Variants in ATRNL1 observed in about 807,000 individuals in gnomAD.
ATRNL1 encodes the protein attractin like 1, also known as attractin-like protein 1.
Under a neutral mutation model 182.7 loss-of-function variants are expected in ATRNL1, and 95 were observed. That is an observed-to-expected ratio of 0.52 (90% CI 0.44 to 0.62). ATRNL1 has a LOEUF of 0.62. Among genes scored for constraint, ATRNL1 ranks in the 20% least tolerant of loss-of-function variants. ATRNL1 has a pLI of 0.00. For missense variants in ATRNL1, 1,471 were observed against 1,679.5 expected (o/e 0.88, Z 2.17); for synonymous variants, 576 against 568.3 (o/e 1.01, Z -0.19).
chr10:115,728,667 T>G (rs576359464), intron 27 of ATRNL1, among the ~76,000 whole-genome samples: 8 of 152,314 alleles, frequency 5.3e-5, no homozygotes, highest in African/African-American at 1.9e-4. Context: ...TCATGGATGC[T>G]ACTCAAAGGG....
intron 4 of ATRNL1, among the ~76,000 whole-genome samples, chr10:115,129,033 A>T (rs1845106747): frequency 6.6e-6 from 1 of 152,140 alleles, no homozygotes; most frequent in Admixed American, 6.5e-5. Flanking sequence ...TTTACAAAAC[A>T]TTTTGCCTGG....
chr10:115,254,554 A>G (rs1197402545), intron 10 of ATRNL1, among the ~76,000 whole-genome samples: 2 of 152,110 alleles, frequency 1.3e-5, no homozygotes, highest in Non-Finnish European at 1.5e-5. Context: ...TCAGATGGGT[A>G]GATTGCAAAA....
chr10:115,890,961 C>T (rs1458088258), intron 28 of ATRNL1, among the ~76,000 whole-genome samples: 8 of 152,066 alleles, frequency 5.3e-5, no homozygotes, highest in Non-Finnish European at 1.2e-4. Flanking sequence ...CTGCAGATGC[C>T]GACTGGGGAC....
At chr10:115,391,089 A>C (rs150285118) in intron 19 of ATRNL1, among the ~76,000 whole-genome samples, 2,017 of 152,298 alleles carry the variant, frequency 0.013, 118 homozygotes, top group Admixed American at 0.1. Context: ...TGTCATCAGC[A>C]AACAGAAACA....
chr10:115,672,891 G>T (rs1555041892), intron 26 of ATRNL1, among the ~76,000 whole-genome samples: 1 of 152,008 alleles, frequency 6.6e-6, no homozygotes. Context: ...TATTTCTTCA[G>T]TGTATGACGT....
At position 115,689,105 on chromosome 10, in the gene ATRNL1, G is replaced by A. The variant is rs768444612; in HGVS notation, c.3796-38143G>A. 2.0e-5 allele frequency among the ~76,000 whole-genome samples: 3 copies of A among 152,248 alleles called. No individual in the cohort carries two copies. The East Asian group carries it at 5.8e-4, about 29-fold the overall frequency. The stretch of plus-strand genomic sequence containing the variant: ...TGGTAGCTTTGTTGAGGATCAGTTG[G>A]CTGTAAATATTTCAATTTGTTTCTG... On this transcript the variant is annotated intron_variant, in intron 26 of 28. Coordinates refer to ENST00000355044, the MANE Select transcript of ATRNL1 (RefSeq NM_207303.4).
chr10:115,169,697 A>G (rs529964007), intron 7 of ATRNL1, among the ~76,000 whole-genome samples: 2 of 152,274 alleles, frequency 1.3e-5, no homozygotes, highest in South Asian at 2.1e-4. Context: ...CTGTAGATCA[A>G]TTTGGAGAGT....
chr10:115,322,943 T>TA (rs1175051454), intron 18 of ATRNL1, among the ~76,000 whole-genome samples: 1 of 152,142 alleles, frequency 6.6e-6, no homozygotes, highest in African/African-American at 2.4e-5. Flanking sequence ...ATTTTAATTA[T>TA]AATGGGTCTT....
chr10:115,341,896 A>G (rs1564932754), intron 19 of ATRNL1, among the ~76,000 whole-genome samples: 1 of 152,032 alleles, frequency 6.6e-6, no homozygotes, highest in African/African-American at 2.4e-5. Context: ...ATCATAGGCT[A>G]CATGTGTCTT....
chr10:115,337,020 ATT>A (rs540264455), intron 19 of ATRNL1, among the ~76,000 whole-genome samples: 4 of 138,412 alleles, frequency 2.9e-5, no homozygotes, highest in South Asian at 2.3e-4. Context: ...TGCCTAGCTA[ATT>A]TTTTTTTTTT....
At chr10:115,165,261 A>G (rs1313866281) in intron 6 of ATRNL1, among the ~76,000 whole-genome samples, 1 of 152,066 alleles carries the variant, frequency 6.6e-6, no homozygotes, top group East Asian at 1.9e-4. Flanking sequence ...TGTTTAGCTT[A>G]ATCAATTGAT....
At chr10:115,192,228 T>C (rs927443139) in intron 8 of ATRNL1, among the ~76,000 whole-genome samples, 2 of 152,064 alleles carry the variant, frequency 1.3e-5, no homozygotes, top group African/African-American at 2.4e-5. Flanking sequence ...CATAGTTTCA[T>C]GTGTTAGATG....
chr10:115,644,798 A>T (rs1278474417), intron 26 of ATRNL1, among the ~76,000 whole-genome samples: 3 of 152,174 alleles, frequency 2.0e-5, no homozygotes, highest in Non-Finnish European at 1.5e-5. Flanking sequence ...CTACATATAA[A>T]GTGCTTAGAA....
intron 26 of ATRNL1, among the ~76,000 whole-genome samples, chr10:115,682,476 G>A (rs1358228007): frequency 6.6e-6 from 1 of 152,144 alleles, no homozygotes; most frequent in East Asian, 1.9e-4. Context: ...GGGGGACAGA[G>A]GCTGCAGTGA....
At chr10:115,157,142 A>T (rs1846559109) in intron 5 of ATRNL1, among the ~76,000 whole-genome samples, 1 of 152,146 alleles carries the variant, frequency 6.6e-6, no homozygotes, top group African/African-American at 2.4e-5. Flanking sequence ...AGATATCCTA[A>T]TTACCTTGTT....
chr10:115,513,939 G>A (rs1235764267), intron 24 of ATRNL1, among the ~76,000 whole-genome samples: 3 of 151,836 alleles, frequency 2.0e-5, no homozygotes, highest in African/African-American at 7.3e-5. Flanking sequence ...ATTTACTCTT[G>A]AGTGCCATTT....
At position 115,519,424 on chromosome 10, in the gene ATRNL1, G is replaced by C. The variant is rs140187197; in HGVS notation, c.3716+100G>C. On this transcript the variant is annotated intron_variant, in intron 25 of 28. Transcript: ENST00000355044. Reference sequence around the variant, plus strand: ...AATCGACCAATTCTAAAACCTTAAAGTATCATAGAGTATGTCTTGAATAGC... The same window carrying C: ...AATCGACCAATTCTAAAACCTTAAACTATCATAGAGTATGTCTTGAATAGC... 4.1e-4 allele frequency: 371 copies of C among 913,564 alleles called. 5 individuals are homozygous for C. The African/African-American group carries it at 4.7e-3, about 12-fold the overall frequency. 56.6% of individuals were successfully genotyped at this position (913,564 alleles called of 1,614,324 possible). A position where few individuals can be genotyped will look rare whatever the true frequency, so the allele number is the denominator to read the frequency against.
chr10:115,575,287 A>G (rs563478359), intron 26 of ATRNL1, among the ~76,000 whole-genome samples: 4 of 152,280 alleles, frequency 2.6e-5, no homozygotes, highest in African/African-American at 4.8e-5. Context: ...GATTTGAGCA[A>G]TTATGTGTGT....
At chr10:115,103,406 T>C (rs1326289226) in intron 1 of ATRNL1, among the ~76,000 whole-genome samples, 2 of 152,180 alleles carry the variant, frequency 1.3e-5, no homozygotes, top group African/African-American at 4.8e-5. Flanking sequence ...AGTATTTCTT[T>C]TAATTTCAAT....
Sources: allele counts gnomAD v4.1 joint callset (sites outside exome capture counted in the v4.1 genomes callset), GRCh38; gene constraint gnomAD v4.1.1; transcripts MANE v1.5; gene names NCBI Gene and HGNC (gene_info 2026-07-23, HGNC 2026-07-21).